The following RMC1 variants were observed in gnomAD, a reference collection of about 807,000 sequenced individuals.
RMC1 encodes the protein regulator of MON1-CCZ1 complex.
In RMC1, 44 loss-of-function variants were observed where a neutral mutation model predicts 95.5. That is an observed-to-expected ratio of 0.46 (90% CI 0.36 to 0.59). The LOEUF (loss-of-function observed/expected upper bound fraction) is 0.59. Ranked by LOEUF, RMC1 falls within the 20% of genes least tolerant of loss-of-function variation. The pLI, the probability that RMC1 is intolerant of heterozygous loss-of-function variation, is 0.00. For synonymous variants in RMC1, 320 were observed against 303.6 expected (o/e 1.05, Z -0.56); for missense variants, 705 against 819.6 (o/e 0.86, Z 1.71).
chr18:23,527,548 T>G (rs192433220), intron 13 of RMC1, among the ~76,000 whole-genome samples: 1 of 147,686 alleles, frequency 6.8e-6, no homozygotes, highest in African/African-American at 2.5e-5. Context: ...CCCAAAGTGC[T>G]GGGATTATAG....
intron 19 of RMC1, among the ~76,000 whole-genome samples, chr18:23,531,232 G>A (rs1263097032): frequency 2.0e-5 from 3 of 151,958 alleles, no homozygotes; most frequent in South Asian, 2.1e-4. Context: ...CTCATGATCC[G>A]CCTGCCTCAG....
chr18:23,531,359 G>A, intron 19 of RMC1: 2 of 466,354 alleles, frequency 4.3e-6, no homozygotes, highest in African/African-American at 3.9e-5. Context: ...GGAAGGATCA[G>A]GGCTGTCTAA....
In RMC1 at chr18:23,520,171, T is replaced by C. The variant is rs760679321; in HGVS notation, c.850-31T>C. 15 of 1,537,254 alleles carry C rather than the reference T, an allele frequency of 9.8e-6. No homozygotes were observed. In the Admixed American group the frequency reaches 2.5e-4, roughly 26 times the overall value. On this transcript the variant is annotated intron_variant, in intron 9 of 19. Transcript: ENST00000269221. ...GCAACTGGGCAAACCATGATTGATT[T>C]TGGCCTCAGTCTTGTCTTTTTCCCC...
chr18:23,508,125 C>T, intron 4 of RMC1, 84 bp downstream of exon 4: 2 of 1,233,088 alleles, frequency 1.6e-6, no homozygotes, highest in Non-Finnish European at 2.2e-6. Flanking sequence ...ATTGGGGTCG[C>T]AGGGAGCACA....
chr18:23,515,053 G>T (rs1011859045), intron 5 of RMC1, among the ~76,000 whole-genome samples: 1 of 152,120 alleles, frequency 6.6e-6, no homozygotes, highest in Non-Finnish European at 1.5e-5. Context: ...GTAGACTGGA[G>T]TCGAGGTGGA....
At chr18:23,512,522 G>A (rs1052243860) in intron 5 of RMC1, among the ~76,000 whole-genome samples, 1 of 151,948 alleles carries the variant, frequency 6.6e-6, no homozygotes, top group African/African-American at 2.4e-5. Context: ...CTAGCCTCAC[G>A]TAGTCCTCCC....
chr18:23,529,567 TAG>T (rs1317803079), intron 15 of RMC1, 66 bp from the exon 16 acceptor site: 30 of 1,410,794 alleles, frequency 2.1e-5, no homozygotes, highest in Admixed American at 1.0e-4. Flanking sequence ...GGGGGTTGGA[TAG>T]AGAGTTATAT....
chr18:23,516,488 G>T, intron 7 of RMC1, 65 bp downstream of exon 7: 1 of 1,543,024 alleles, frequency 6.5e-7, no homozygotes. Flanking sequence ...AATAGAAGGA[G>T]TGTGTTACAA....
At position 23,530,542 on chromosome 18, in the gene RMC1, T is replaced by C; in HGVS notation, c.1824T>C (p.Leu608=). 1 of 1,614,242 alleles carries C rather than the reference T, an allele frequency of 6.2e-7. No individual in the cohort carries two copies. The highest frequency in any genetic ancestry group is 8.5e-7 in the Non-Finnish European group (1 of 1,180,046). The change falls in exon 19 of 20, where the codon CTT becomes CTC. Residue 608 remains leucine (L), a synonymous_variant. Transcript: ENST00000269221. The part of the protein sequence containing the change: ...DAAKQTEDNM[L]FYTIFRFFEQ... ...CAAAGCAGACTGAAGACAACATGCTTTTCTATACAATATTCCGCTTTTTTG... is the reference window on the plus strand; with the variant it reads ...CAAAGCAGACTGAAGACAACATGCTCTTCTATACAATATTCCGCTTTTTTG...
chr18:23,523,294 C>T (rs1176464067), intron 10 of RMC1, among the ~76,000 whole-genome samples: 2 of 152,098 alleles, frequency 1.3e-5, no homozygotes, highest in African/African-American at 4.8e-5. Context: ...GCCTGCATGG[C>T]TCATGAGCAG....
intron 13 of RMC1, 123 bp from the exon 14 acceptor site, chr18:23,527,672 T>G: frequency 1.3e-6 from 1 of 758,834 alleles, no homozygotes; most frequent in Non-Finnish European, 2.3e-6. Flanking sequence ...AAGTAGAGTG[T>G]CCTTTAAAGG....
chr18:23,516,082 G>A (rs2057995950), intron 6 of RMC1, 86 bp downstream of exon 6: 3 of 1,579,840 alleles, frequency 1.9e-6, no homozygotes, highest in Non-Finnish European at 1.7e-6. Context: ...GCACGTTAGG[G>A]ACAGGTTCCT....
Position 23,530,230 on chromosome 18 carries a change from C to A in RMC1, c.1601C>A (p.Ala534Asp). ...AGTGGGTCTAAAAATGTCTTTCAGG[C>A]TTGTCTGCTGTTATCCCTAGAGAGT... is the stretch of plus-strand genomic sequence containing the variant. ...YHVLSDSKPL[A>D]CLLLSLESFY... is the part of the protein sequence containing the mutation. Residue 534 changes from alanine to aspartate, a missense_variant and splice_region_variant, in exon 18 of 20, where the codon GCT becomes GAT. Physicochemically the swap from Ala to Asp is moderately radical, Grantham distance 126. Coordinates refer to ENST00000269221, the MANE Select transcript of RMC1 (RefSeq NM_013326.5). 1 of 1,614,196 alleles carries A rather than the reference C, an allele frequency of 6.2e-7. No homozygotes were observed. Among genetic ancestry groups the A allele is most frequent in the Non-Finnish European group, 8.5e-7 (1 of 1,180,028 alleles).
At position 23,531,802 on chromosome 18, in the gene RMC1, A is replaced by C; in HGVS notation, c.*98A>C. ...ATAAAATGTTATAAAGTGTATCTAC[A>C]ACCTCAACTGTCACTAAAAATATGG... On this transcript the variant is annotated 3_prime_UTR_variant, in exon 20 of 20. Coordinates refer to ENST00000269221, the MANE Select transcript of RMC1 (RefSeq NM_013326.5). The C allele has an allele frequency of 6.6e-7, 1 of 1,526,562 alleles. No homozygotes were observed. Among genetic ancestry groups the C allele is most frequent in the Non-Finnish European group, 8.7e-7 (1 of 1,146,096 alleles). 94.6% of individuals were successfully genotyped at this position (1,526,562 alleles called of 1,614,324 possible).
At chr18:23,525,758 T>C (rs537790764) in intron 12 of RMC1, among the ~76,000 whole-genome samples, 2 of 152,230 alleles carry the variant, frequency 1.3e-5, no homozygotes, top group East Asian at 3.9e-4. Context: ...GGTCTTGCCA[T>C]GTTGCCCCTG....
At chr18:23,525,029 C>G (rs1435485866) in intron 12 of RMC1, among the ~76,000 whole-genome samples, 1 of 148,646 alleles carries the variant, frequency 6.7e-6, no homozygotes, top group Non-Finnish European at 1.5e-5. Flanking sequence ...TCACTGCAAC[C>G]TCCGCCTCCC....
At position 23,520,323 on chromosome 18, in the gene RMC1, G is replaced by C. The variant is rs2058110383; in HGVS notation, c.961+10G>C. The C allele has an allele frequency of 1.9e-6, 3 of 1,598,422 alleles. No individual in the cohort carries two copies. The highest frequency in any genetic ancestry group is 1.7e-6 in the Non-Finnish European group (2 of 1,166,212). ...CAGATCCCCATCACAGGTAACACGG[G>C]TTCTGTAGAGGAGTCTGTGCTGCCC... On this transcript the variant is annotated intron_variant, in intron 10 of 19. Transcript: ENST00000269221.
intron 7 of RMC1, among the ~76,000 whole-genome samples, chr18:23,518,270 G>A (rs565296515): frequency 7.2e-5 from 11 of 152,266 alleles, no homozygotes; most frequent in Admixed American, 5.9e-4. Context: ...CAGGGGGATC[G>A]CCTTGAGGCC....
At position 23,515,871 on chromosome 18, in the gene RMC1, C is replaced by T. The variant is rs2057989021; in HGVS notation, c.424C>T (p.Arg142Trp). Reference protein sequence around the residue: ...IEFYQVLPEKRSLKLLKSHNL... With the variant: ...IEFYQVLPEKWSLKLLKSHNL... ...TCTGCTTCAGGTATTACCAGAGAAA[C>T]GGAGTCTGAAACTCTTGAAGAGCCA... The change falls in exon 6 of 20, where the codon CGG (arginine) becomes TGG (tryptophan). Residue 142 changes from arginine to tryptophan, a missense_variant. Physicochemically the swap from Arg to Trp is moderately radical, Grantham distance 101. Coordinates refer to ENST00000269221, the MANE Select transcript of RMC1 (RefSeq NM_013326.5). The T allele has an allele frequency of 6.2e-7, 1 of 1,614,090 alleles. No homozygotes were observed. The highest frequency in any genetic ancestry group is 8.5e-7 in the Non-Finnish European group (1 of 1,180,018).
Sources: allele counts gnomAD v4.1 joint callset (sites outside exome capture counted in the v4.1 genomes callset), GRCh38; gene constraint gnomAD v4.1.1; transcripts MANE v1.5; gene names NCBI Gene and HGNC (gene_info 2026-07-23, HGNC 2026-07-21).